Variants in ANKDD1A observed in about 807,000 individuals in gnomAD.
The protein encoded by ANKDD1A is ankyrin repeat and death domain containing 1A.
ANKDD1A carries 59 observed loss-of-function variants against 63.5 expected under a neutral mutation model. The observed-to-expected ratio is 0.93, with a 90% CI of 0.75 to 1.15. The LOEUF is 1.15. ANKDD1A is among the 50% of genes most tolerant of loss of function. The pLI, the probability that ANKDD1A is intolerant of heterozygous loss-of-function variation, is 0.00. For synonymous variants in ANKDD1A, 266 were observed against 263.9 expected (o/e 1.01, Z -0.08); for missense variants, 632 against 656.4 (o/e 0.96, Z 0.41).
intron 14 of ANKDD1A, among the ~76,000 whole-genome samples, chr15:64,951,666 TTC>T (rs1403699592): frequency 3.1e-5 from 3 of 97,000 alleles, no homozygotes; most frequent in South Asian, 6.9e-4. Flanking sequence ...TATCTTCTTT[TTC>T]TTTCTTTCCT....
At position 64,939,575 on chromosome 15, in the gene ANKDD1A, C is replaced by G. The variant is rs562230058; in HGVS notation, c.868-2892C>G. Among the ~76,000 whole-genome samples the G allele has an allele frequency of 1.4e-4, 22 of 152,306 alleles. No homozygotes were observed. In the East Asian group the frequency reaches 4.2e-3, roughly 29 times the overall value. Reference sequence around the variant, plus strand: ...AGCTGCAGTCAACTATGATCACACACTGCGCTCCAACCTGCATGACAGATC... The same window carrying G: ...AGCTGCAGTCAACTATGATCACACAGTGCGCTCCAACCTGCATGACAGATC... On this transcript the variant is annotated intron_variant, in intron 9 of 14. Transcript: ENST00000319580.
At chr15:64,956,103 A>G (rs1354630654) in intron 14 of ANKDD1A, among the ~76,000 whole-genome samples, 1 of 152,218 alleles carries the variant, frequency 6.6e-6, no homozygotes, top group African/African-American at 2.4e-5. Context: ...TTAAGTGGAA[A>G]AAAACCCCAA....
At chr15:64,938,103 C>T (rs1489895929) in intron 9 of ANKDD1A, among the ~76,000 whole-genome samples, 3 of 152,104 alleles carry the variant, frequency 2.0e-5, no homozygotes, top group Admixed American at 2.0e-4. Context: ...AACTGTGCGT[C>T]CATACTGATA....
At chr15:64,952,176 CTTTCCTTCTACTTTTTCTT>C in intron 14 of ANKDD1A, among the ~76,000 whole-genome samples, 19 of 146,722 alleles carry the variant, frequency 1.3e-4, no homozygotes, top group African/African-American at 4.5e-4. Context: ...TTTCTTTCTT[CTTTCCTTCTACTTTTTCTT>C]CTTCTTCTTT....
intron 14 of ANKDD1A, among the ~76,000 whole-genome samples, chr15:64,952,970 T>TTGTC (rs1555397734): frequency 7.2e-5 from 1 of 13,938 alleles, no homozygotes; most frequent in African/African-American, 1.3e-4. Context: ...TCTTCTTCTT[T>TTGTC]TCTTCTTGTC....
chr15:64,954,091 TCCTC>T (rs2085374288), intron 14 of ANKDD1A, among the ~76,000 whole-genome samples: 1 of 144,792 alleles, frequency 6.9e-6, no homozygotes, highest in Non-Finnish European at 1.5e-5. Context: ...TTCTTCTTTC[TCCTC>T]CCTCTTTTCT....
intron 5 of ANKDD1A, 101 bp from the exon 6 acceptor site, chr15:64,926,800 T>C: frequency 7.8e-7 from 1 of 1,286,556 alleles, no homozygotes; most frequent in Non-Finnish European, 1.1e-6. Flanking sequence ...GAGAGGCCAC[T>C]ACAAAGCCAG....
intron 9 of ANKDD1A, among the ~76,000 whole-genome samples, chr15:64,938,110 G>A (rs2085150539): frequency 2.0e-5 from 3 of 152,204 alleles, no homozygotes; most frequent in Admixed American, 2.0e-4. Flanking sequence ...CGTCCATACT[G>A]ATATAAATAA....
intron 4 of ANKDD1A, 112 bp from the exon 5 acceptor site, chr15:64,925,954 C>A (rs2085043232): frequency 1.1e-5 from 10 of 890,100 alleles, no homozygotes; most frequent in Non-Finnish European, 1.8e-5. Context: ...AGTGTTGTAT[C>A]CATGGGGAGG....
At chr15:64,912,112 G>A in intron 1 of ANKDD1A, 148 bp downstream of exon 1, 4 of 815,984 alleles carry the variant, frequency 4.9e-6, no homozygotes, top group Non-Finnish European at 6.6e-6. Flanking sequence ...AATGGTTACC[G>A]GTCCGCGCAC....
chr15:64,947,580 G>A lies in ANKDD1A; in HGVS notation c.1338G>A (p.Glu446=), dbSNP rs929854596. Residue 446 remains glutamate (E), a synonymous_variant, in exon 13 of 15, where the codon GAG becomes GAA. Transcript: ENST00000319580. ...CGGAGGCACATGTCGACGCCATCGA[G>A]CAACAGTGGACAGGTACCACCTTGC... is the stretch of plus-strand genomic sequence containing the variant. The part of the protein sequence containing the change: ...EFTEAHVDAI[E]QQWTGTRSYQ... 16 of 1,613,804 alleles carry A rather than the reference G, an allele frequency of 9.9e-6. No individual in the cohort carries two copies. Among genetic ancestry groups the A allele is most frequent in the East Asian group, 2.2e-5 (1 of 44,894 alleles).
At position 64,912,081 on chromosome 15, in the gene ANKDD1A, CG is replaced by C. The variant is rs937994426; in HGVS notation, c.34+118del. Reference sequence around the variant, plus strand: ...TCCGAACGGCCACCTCCGTGTGGGGCGTCTGTGTGGCTCCGAGCGGAATGGT... The same window carrying C: ...TCCGAACGGCCACCTCCGTGTGGGGCTCTGTGTGGCTCCGAGCGGAATGGT... On this transcript the variant is annotated intron_variant, in intron 1 of 14. Transcript: ENST00000319580. 15 of 1,049,380 alleles carry C rather than the reference CG, an allele frequency of 1.4e-5. No individual in the cohort carries two copies. In the Admixed American group the frequency reaches 1.7e-4, roughly 12 times the overall value. The allele number at this position is 1,049,380 out of a possible 1,614,324, so 65.0% of individuals were successfully genotyped here. A position where few individuals can be genotyped will look rare whatever the true frequency, so the allele number is the denominator to read the frequency against.
chr15:64,956,862 T>A (rs758408104), intron 14 of ANKDD1A, among the ~76,000 whole-genome samples: 1 of 152,134 alleles, frequency 6.6e-6, no homozygotes, highest in South Asian at 2.1e-4. Context: ...CATTTTTGGA[T>A]TCTTAAAACT....
At chr15:64,914,653 G>A (rs1258439681) in intron 1 of ANKDD1A, among the ~76,000 whole-genome samples, 5 of 152,224 alleles carry the variant, frequency 3.3e-5, no homozygotes, top group African/African-American at 7.2e-5. Flanking sequence ...GTGAGCTGTG[G>A]GTGGATCAGG....
intron 8 of ANKDD1A, chr15:64,931,885 G>T: frequency 2.0e-6 from 1 of 507,812 alleles, no homozygotes; most frequent in African/African-American, 1.9e-5. Flanking sequence ...CTCAATACCT[G>T]TTAGTGTTTT....
At chr15:64,919,318 C>T (rs2084992429) in intron 3 of ANKDD1A, among the ~76,000 whole-genome samples, 1 of 152,208 alleles carries the variant, frequency 6.6e-6, no homozygotes, top group African/African-American at 2.4e-5. Flanking sequence ...TGTTCTTTCT[C>T]CTTCCTCCTG....
chr15:64,957,750 C>T lies in ANKDD1A; in HGVS notation c.*562C>T, dbSNP rs1359647997. 1 of 152,022 alleles carries T rather than the reference C, an allele frequency of 6.6e-6. No individual in the cohort carries two copies. Among genetic ancestry groups the T allele is most frequent in the East Asian group, 1.9e-4 (1 of 5,188 alleles). The allele number at this position is 152,022 out of a possible 1,614,324, so 9.4% of individuals were successfully genotyped here. On this transcript the variant is annotated 3_prime_UTR_variant, in exon 15 of 15. Coordinates refer to ENST00000319580, the MANE Select transcript of ANKDD1A (RefSeq NM_182703.6). ...TTTGGTACTACCATGTATTGTGTAA[C>T]TTTTGGGAAAGTAAGGTGGCTTCCC...
rs1177154670 is a variant in ANKDD1A at position 64,951,285 on chromosome 15, C to T, written c.1483+1313C>T. 1.9e-5 allele frequency: 17 copies of T among 912,292 alleles called. No homozygotes were observed. In the Middle Eastern group the frequency reaches 1.7e-3, roughly 89 times the overall value. The allele number at this position is 912,292 out of a possible 1,614,324, so 56.5% of individuals were successfully genotyped here. Reference sequence around the variant, plus strand: ...ACTTTGTTTATTTCTTCTTCTTTTTCTTTTCTTCTTCTTCTTCTTCTCTTC... The same window carrying T: ...ACTTTGTTTATTTCTTCTTCTTTTTTTTTTCTTCTTCTTCTTCTTCTCTTC... On this transcript the variant is annotated intron_variant, in intron 14 of 14. Transcript: ENST00000319580.
intron 3 of ANKDD1A, among the ~76,000 whole-genome samples, chr15:64,918,420 C>G (rs1394124934): frequency 6.6e-6 from 1 of 152,204 alleles, no homozygotes; most frequent in Non-Finnish European, 1.5e-5. Context: ...CTTACCTCCC[C>G]CATTCCCCAA....
Sources: allele counts gnomAD v4.1 joint callset (sites outside exome capture counted in the v4.1 genomes callset), GRCh38; gene constraint gnomAD v4.1.1; transcripts MANE v1.5; gene names NCBI Gene and HGNC (gene_info 2026-07-23, HGNC 2026-07-21).